ULK4: variants seen among roughly 807,000 people sequenced by gnomAD.
ULK4 encodes unc-51 like kinase 4, also known as inactive serine/threonine-protein kinase ULK4.
Under a neutral mutation model 160.6 loss-of-function variants are expected in ULK4, and 133 were observed. That is an observed-to-expected ratio of 0.83 (90% CI 0.72 to 0.96). The LOEUF (loss-of-function observed/expected upper bound fraction) is 0.96. Among genes scored for constraint, ULK4 ranks in the 40% least tolerant of loss-of-function variants. The probability of loss-of-function intolerance (pLI) is 0.00; values close to 1 mark genes in which losing one functional copy is unlikely to be tolerated. For synonymous variants in ULK4, 534 were observed against 539.8 expected (o/e 0.99, Z 0.15); for missense variants, 1,580 against 1,499.5 (o/e 1.05, Z -0.89).
Position 41,506,767 on chromosome 3 carries a change from A to AAAAAAATATATATATAAATAT in ULK4, c.3227-43515_3227-43514insATATTTATATATATATTTTTT. On this transcript the variant is annotated intron_variant, in intron 32 of 36. Coordinates refer to ENST00000301831, the MANE Select transcript of ULK4 (RefSeq NM_017886.4). ...AGCAATACACTGGAGTGTGATTTAA[A>AAAAAAATATATATATAAATAT]ATATATATATATATATATATATATA... 1.4e-4 allele frequency among the ~76,000 whole-genome samples: 8 copies of AAAAAAATATATATATAAATAT among 56,766 alleles called. 1 individual carries two copies. Among genetic ancestry groups the AAAAAAATATATATATAAATAT allele is most frequent in the South Asian group, 6.4e-4 (1 of 1,552 alleles). The allele number at this position is 56,766 out of a possible 152,430, so 37.2% of individuals were successfully genotyped here. A position where few individuals can be genotyped will look rare whatever the true frequency, so the allele number is the denominator to read the frequency against.
At chr3:41,920,479 T>A (rs555587293) in intron 5 of ULK4, among the ~76,000 whole-genome samples, 77 of 152,240 alleles carry the variant, frequency 5.1e-4, no homozygotes, top group Non-Finnish European at 7.9e-4. Context: ...AATCCCATAT[T>A]TTAGAGCCAG....
Position 41,715,461 on chromosome 3 carries a change from G to A in ULK4, c.2563C>T (p.Leu855Phe), listed in dbSNP as rs765776215. The A allele has an allele frequency of 1.9e-6, 3 of 1,614,054 alleles. No individual in the cohort carries two copies. The highest frequency in any genetic ancestry group is 2.5e-6 in the Non-Finnish European group (3 of 1,180,032). The change falls in exon 24 of 37, where the codon CTC becomes TTC. Residue 855 changes from leucine to phenylalanine, a missense_variant. Leu to Phe is a conservative substitution (Grantham distance 22, BLOSUM62 0). Coordinates refer to ENST00000301831, the MANE Select transcript of ULK4 (RefSeq NM_017886.4). The part of the protein sequence containing the change: ...CLPLMPVVLH[L>F]VTSQVFRPQV... ...TACAATAGTACCTGTGAAGTTACGA[G>A]GTGAAGCACTACAGGCATCAGGGGG...
At position 41,695,965 on chromosome 3, in the gene ULK4, C is replaced by T. The variant is rs148065769; in HGVS notation, c.2781+9092G>A. Reference sequence around the variant, plus strand: ...AAGAGTGTGAGCCTTCTGTTATACCCGGACAGGGCCACCAGAGGGCTCCTT... The same window carrying T: ...AAGAGTGTGAGCCTTCTGTTATACCTGGACAGGGCCACCAGAGGGCTCCTT... On this transcript the variant is annotated intron_variant, in intron 27 of 36. Coordinates refer to ENST00000301831, the MANE Select transcript of ULK4 (RefSeq NM_017886.4). 7.9e-3 allele frequency among the ~76,000 whole-genome samples: 1,196 copies of T among 152,266 alleles called. 16 individuals are homozygous for T. Among genetic ancestry groups the T allele is most frequent in the African/African-American group, 0.028 (1,155 of 41,540 alleles).
intron 34 of ULK4, among the ~76,000 whole-genome samples, chr3:41,404,814 G>C (rs926866659): frequency 6.6e-6 from 1 of 152,192 alleles, no homozygotes; most frequent in Non-Finnish European, 1.5e-5. Context: ...GACACAGCAA[G>C]AAGGCCCTTG....
chr3:41,493,044 A>T (rs7620838), intron 32 of ULK4, among the ~76,000 whole-genome samples: 1 of 99,846 alleles, frequency 1.0e-5, no homozygotes, highest in Non-Finnish European at 2.1e-5. Flanking sequence ...ACAAGGATAT[A>T]CAGGAATTGA....
At chr3:41,675,233 C>T (rs375577259) in intron 29 of ULK4, among the ~76,000 whole-genome samples, 1 of 151,342 alleles carries the variant, frequency 6.6e-6, no homozygotes, top group African/African-American at 2.4e-5. Context: ...AGCAAGACTC[C>T]GTCTCAAAAA....
chr3:41,429,043 AC>A (rs2082842938), intron 34 of ULK4, among the ~76,000 whole-genome samples: 2 of 152,074 alleles, frequency 1.3e-5, no homozygotes, highest in Non-Finnish European at 2.9e-5. Context: ...TCTACAACGA[AC>A]TTAAATTTAC....
At chr3:41,476,357 T>G (rs1356216615) in intron 32 of ULK4, among the ~76,000 whole-genome samples, 2 of 152,102 alleles carry the variant, frequency 1.3e-5, no homozygotes, top group Non-Finnish European at 2.9e-5. Flanking sequence ...AAATTAACAC[T>G]CCCCTATCTC....
At chr3:41,847,874 GA>G (rs2042109362) in intron 17 of ULK4, among the ~76,000 whole-genome samples, 1 of 152,216 alleles carries the variant, frequency 6.6e-6, no homozygotes, top group South Asian at 2.1e-4. Flanking sequence ...GGTTAAAAAA[GA>G]AAATGGACAT....
At chr3:41,504,214 C>T (rs767662217) in intron 32 of ULK4, among the ~76,000 whole-genome samples, 1 of 152,100 alleles carries the variant, frequency 6.6e-6, no homozygotes, top group Non-Finnish European at 1.5e-5. Context: ...TTGCTTACAA[C>T]AACACTCATC....
chr3:41,529,064 CA>C (rs2086215108), intron 32 of ULK4, among the ~76,000 whole-genome samples: 1 of 152,178 alleles, frequency 6.6e-6, no homozygotes, highest in South Asian at 2.1e-4. Context: ...GAAGAGTTCC[CA>C]AAGCGCATCT....
At chr3:41,899,767 C>T (rs1343135479) in intron 13 of ULK4, among the ~76,000 whole-genome samples, 1 of 152,090 alleles carries the variant, frequency 6.6e-6, no homozygotes, top group East Asian at 1.9e-4. Flanking sequence ...TTGAAAATGC[C>T]CCAATGCTCA....
intron 19 of ULK4, among the ~76,000 whole-genome samples, chr3:41,806,716 T>A (rs1234711890): frequency 6.6e-6 from 1 of 152,220 alleles, no homozygotes; most frequent in Non-Finnish European, 1.5e-5. Flanking sequence ...AAGAACATCT[T>A]TATTTTAGGC....
In ULK4 at chr3:41,887,588, G is replaced by A. The variant is rs146050300; in HGVS notation, c.1578-3636C>T. 6.6e-3 allele frequency among the ~76,000 whole-genome samples: 999 copies of A among 152,276 alleles called. 9 individuals carry two copies. The highest frequency in any genetic ancestry group is 0.023 in the African/African-American group (965 of 41,540). Reference sequence around the variant, plus strand: ...GTAATCCCAGCATTTGGGAGGCCGAGGCAGGTGAATCACTTGAGGTCAGAA... The same window carrying A: ...GTAATCCCAGCATTTGGGAGGCCGAAGCAGGTGAATCACTTGAGGTCAGAA... On this transcript the variant is annotated intron_variant, in intron 16 of 36. Transcript: ENST00000301831.
intron 21 of ULK4, among the ~76,000 whole-genome samples, chr3:41,780,844 A>G (rs1235963540): frequency 2.6e-5 from 4 of 152,106 alleles, no homozygotes; most frequent in African/African-American, 9.7e-5. Context: ...CCTGCTTCAT[A>G]ATACAAATAA....
intron 33 of ULK4, among the ~76,000 whole-genome samples, chr3:41,460,563 T>A (rs893816467): frequency 6.6e-6 from 1 of 151,426 alleles, no homozygotes; most frequent in African/African-American, 2.5e-5. Flanking sequence ...AGCCCTATGC[T>A]AGGCTCATAA....
intron 32 of ULK4, among the ~76,000 whole-genome samples, chr3:41,554,789 C>G (rs905951015): frequency 2.6e-5 from 4 of 152,012 alleles, no homozygotes; most frequent in African/African-American, 9.7e-5. Flanking sequence ...TTCTATGTAT[C>G]AAAATATCAC....
intron 34 of ULK4, among the ~76,000 whole-genome samples, chr3:41,414,327 T>C (rs1013045020): frequency 2.0e-5 from 3 of 152,232 alleles, no homozygotes; most frequent in African/African-American, 4.8e-5. Context: ...GGAGAGATGA[T>C]ATATAAGTGA....
At chr3:41,588,910 A>G (rs1299847248) in intron 31 of ULK4, among the ~76,000 whole-genome samples, 1 of 152,204 alleles carries the variant, frequency 6.6e-6, no homozygotes, top group African/African-American at 2.4e-5. Context: ...TCCATTTAGC[A>G]AGTTCTCATT....
Sources: gnomAD v4.1 joint callset for allele counts (sites outside exome capture counted in the v4.1 genomes callset) on GRCh38, gnomAD v4.1.1 for gene constraint, MANE v1.5 for transcripts, NCBI Gene and HGNC (gene_info 2026-07-23, HGNC 2026-07-21) for gene names.